Variants in LRRC61 observed in about 807,000 individuals in gnomAD.
LRRC61 encodes leucine rich repeat containing 61.
In LRRC61, 9 loss-of-function variants were observed where a neutral mutation model predicts 15.1. The observed-to-expected ratio is 0.60, with a 90% confidence interval of 0.36 to 1.04. The LOEUF (loss-of-function observed/expected upper bound fraction) is 1.04. Ranked by LOEUF, LRRC61 falls within the 50% of genes least tolerant of loss-of-function variation. The pLI is 0.01. For missense variants in LRRC61, 344 were observed against 335.6 expected, an observed-to-expected ratio of 1.03 and a Z score of -0.20; for synonymous variants, 173 against 158.6, an observed-to-expected ratio of 1.09 and a Z score of -0.68.
intron 2 of LRRC61, chr7:150,334,121 C>T (rs775148576): frequency 2.1e-5 from 21 of 985,230 alleles, no homozygotes; most frequent in East Asian, 1.1e-4. Flanking sequence ...CTGCCTCTGT[C>T]TGCCTGCTTC....
At position 150,335,229 on chromosome 7, in the gene LRRC61, C is replaced by T. The variant is rs902950794; in HGVS notation, c.-144-1489C>T. On this transcript the variant is annotated intron_variant, in intron 2 of 2. Transcript: ENST00000359623. This position sits in a 1 kb window ranked among gnomAD's most constrained non-coding sequence, Gnocchi z 4.3. ...CCCCCCACGTTAGGGGCCAGAGCAG[C>T]TTTAATCAAATGCAAAGTTGATTGC... Among the ~76,000 whole-genome samples, 3 of 152,204 alleles carry T rather than the reference C, an allele frequency of 2.0e-5. No individual in the cohort carries two copies. The highest frequency in any genetic ancestry group is 7.2e-5 in the African/African-American group (3 of 41,458).
At chr7:150,325,566 A>G (rs1338119563) in intron 1 of LRRC61, among the ~76,000 whole-genome samples, 1 of 152,210 alleles carries the variant, frequency 6.6e-6, no homozygotes, top group Non-Finnish European at 1.5e-5. Context: ...TTCCCTGCTC[A>G]AGCCATCTTC....
chr7:150,324,096 C>T (rs1797839208), intron 1 of LRRC61, among the ~76,000 whole-genome samples: 1 of 152,222 alleles, frequency 6.6e-6, no homozygotes, highest in Non-Finnish European at 1.5e-5. Flanking sequence ...GGCTTGCTCT[C>T]CTCTTTTCCT....
rs747773928 is a variant in LRRC61 at position 150,330,405 on chromosome 7, A to G, written c.-145+4395A>G. 4 of 768,612 alleles carry G rather than the reference A, an allele frequency of 5.2e-6. No homozygotes were observed. The highest frequency in any genetic ancestry group is 2.7e-5 in the South Asian group (2 of 74,580). 47.6% of individuals were successfully genotyped at this position (768,612 alleles called of 1,614,324 possible). On this transcript the variant is annotated intron_variant, in intron 2 of 2. Transcript: ENST00000359623. This position sits in a 1 kb window ranked among gnomAD's most constrained non-coding sequence, Gnocchi z 4.6. ...CAGCAAGCTCCTGTAGCCCTTCCAG[A>G]TGGTGGTCCGCGAGGCGAGTGCGGC...
At chr7:150,324,490 G>A (rs1366821216) in intron 1 of LRRC61, 1 of 152,312 alleles carries the variant, frequency 6.6e-6, no homozygotes, top group Non-Finnish European at 1.5e-5. Context: ...CCCAGGCTAA[G>A]CCAGATCACT....
chr7:150,333,955 C>T lies in LRRC61; in HGVS notation c.-144-2763C>T, dbSNP rs1240893774. On this transcript the variant is annotated intron_variant, in intron 2 of 2. Coordinates refer to ENST00000359623, the MANE Select transcript of LRRC61 (RefSeq NM_001142928.2). The surrounding 1 kb of genome is among the most constrained non-coding windows in gnomAD (Gnocchi z 4.3). ...TTATGCACGACCCATCACCAAGACC[C>T]AGGCCTGCATCTGGTGAGGGCAGGA... is the stretch of plus-strand genomic sequence containing the variant. 9.1e-6 allele frequency: 9 copies of T among 985,224 alleles called. No individual in the cohort carries two copies. Among genetic ancestry groups the T allele is most frequent in the Non-Finnish European group, 1.1e-5 (9 of 829,928 alleles). 61.0% of individuals were successfully genotyped at this position (985,224 alleles called of 1,614,324 possible).
the LRRC61 span, among the ~76,000 whole-genome samples, chr7:150,315,676 C>T: frequency 3.9e-5 from 6 of 152,180 alleles, no homozygotes; most frequent in Non-Finnish European, 8.8e-5. Context: ...AACACAGTTC[C>T]CCTCCCTGGG....
At chr7:150,336,694 T>C (rs1156919902) in intron 2 of LRRC61, 24 bp from the exon 3 acceptor site, 1 of 848,590 alleles carries the variant, frequency 1.2e-6, no homozygotes, top group Non-Finnish European at 1.8e-6. Context: ...AAGTGCTGCC[T>C]GCTGACTGAC....
intron 1 of LRRC61, chr7:150,324,366 G>A (rs971076030): frequency 1.3e-5 from 2 of 152,392 alleles, no homozygotes; most frequent in African/African-American, 4.8e-5. Context: ...AGGCACAAGA[G>A]AAGTAGAAGA....
At chr7:150,318,053 G>A in the LRRC61 span, among the ~76,000 whole-genome samples, 12 of 152,156 alleles carry the variant, frequency 7.9e-5, no homozygotes, top group African/African-American at 1.2e-4. Flanking sequence ...GGATGATGTC[G>A]GGAAGTAGGG....
chr7:150,334,616 G>T (rs933815133), intron 2 of LRRC61, among the ~76,000 whole-genome samples: 1 of 152,236 alleles, frequency 6.6e-6, no homozygotes, highest in African/African-American at 2.4e-5. Flanking sequence ...CCAGCCTGGA[G>T]CTCCAGCTGC....
intron 2 of LRRC61, chr7:150,331,625 G>A (rs543002012): frequency 5.9e-6 from 1 of 168,642 alleles, no homozygotes; most frequent in African/African-American, 2.4e-5. Context: ...GTGATGCTCT[G>A]TTAAAACATA....
upstream of LRRC61, among the ~76,000 whole-genome samples, chr7:150,318,538 CG>C: frequency 6.6e-6 from 1 of 152,220 alleles, no homozygotes; most frequent in East Asian, 1.9e-4. Flanking sequence ...CCAAGGTGGG[CG>C]GATCACGAGA....
Position 150,337,195 on chromosome 7 carries a change from C to T in LRRC61, c.334C>T (p.Pro112Ser). Residue 112 changes from proline to serine, a missense_variant, in exon 3 of 3, where the codon CCG becomes TCG. Physicochemically the swap from Pro to Ser is moderately conservative, Grantham distance 74. Transcript: ENST00000359623. Reference protein sequence around the residue: ...LNAAGNLLATPGQLQCLAGLP... With the variant: ...LNAAGNLLATSGQLQCLAGLP... ...TGCCGCAGGCAACCTACTGGCCACC[C>T]CGGGCCAGCTGCAGTGTCTGGCTGG... is the stretch of plus-strand genomic sequence containing the variant. The T allele has an allele frequency of 6.2e-7, 1 of 1,607,102 alleles. No homozygotes were observed. Among genetic ancestry groups the T allele is most frequent in the Non-Finnish European group, 8.5e-7 (1 of 1,179,910 alleles).
chr7:150,330,854 T>C lies in LRRC61; in HGVS notation c.-145+4844T>C. 1 of 1,608,712 alleles carries C rather than the reference T, an allele frequency of 6.2e-7. No individual in the cohort carries two copies. Among genetic ancestry groups the C allele is most frequent in the Non-Finnish European group, 8.5e-7 (1 of 1,176,760 alleles). On this transcript the variant is annotated intron_variant, in intron 2 of 2. Transcript: ENST00000359623. The surrounding 1 kb of genome is among the most constrained non-coding windows in gnomAD (Gnocchi z 4.6). ...TGGAGGGGAGAAGCCAGGGGGAGCCTCTGCAGAGCAGCAGCCACTCTGGGG... is the reference window on the plus strand; with the variant it reads ...TGGAGGGGAGAAGCCAGGGGGAGCCCCTGCAGAGCAGCAGCCACTCTGGGG...
chr7:150,310,675 C>G, the LRRC61 span, among the ~76,000 whole-genome samples: 417 of 152,260 alleles, frequency 2.7e-3, no homozygotes, highest in Non-Finnish European at 3.2e-3. Flanking sequence ...ACCCTGACAC[C>G]CACCAGTCCC....
At position 150,335,685 on chromosome 7, in the gene LRRC61, A is replaced by G. The variant is rs1477068284; in HGVS notation, c.-144-1033A>G. On this transcript the variant is annotated intron_variant, in intron 2 of 2. Coordinates refer to ENST00000359623, the MANE Select transcript of LRRC61 (RefSeq NM_001142928.2). This position sits in a 1 kb window ranked among gnomAD's most constrained non-coding sequence, Gnocchi z 4.3. ...AGGCATCACCCCGCCGGCCTGGGTGAGACTCCTGGGTCTGGGCCTGGCCAA... is the reference window on the plus strand; with the variant it reads ...AGGCATCACCCCGCCGGCCTGGGTGGGACTCCTGGGTCTGGGCCTGGCCAA... 6.7e-6 allele frequency among the ~76,000 whole-genome samples: 1 copy of G among 148,570 alleles called. No homozygotes were observed. The highest frequency in any genetic ancestry group is 1.5e-5 in the Non-Finnish European group (1 of 68,030).
At position 150,337,264 on chromosome 7, in the gene LRRC61, C is replaced by G. The variant is rs781374578; in HGVS notation, c.403C>G (p.Arg135Gly). 6.2e-7 allele frequency: 1 copy of G among 1,603,548 alleles called. No individual in the cohort carries two copies. Among genetic ancestry groups the G allele is most frequent in the East Asian group, 2.2e-5 (1 of 44,870 alleles). ...EYLRLRDPLA[R>G]LSNPLCANPS... ...CCTGCGGCTCCGAGACCCTTTGGCC[C>G]GGCTCAGCAACCCGCTCTGTGCCAA... The change falls in exon 3 of 3, where the codon CGG (arginine) becomes GGG (glycine). Residue 135 changes from arginine to glycine, a missense_variant. Arg to Gly is a moderately radical substitution (Grantham distance 125). Coordinates refer to ENST00000359623, the MANE Select transcript of LRRC61 (RefSeq NM_001142928.2).
the LRRC61 span, among the ~76,000 whole-genome samples, chr7:150,315,050 T>A: frequency 6.8e-6 from 1 of 147,332 alleles, no homozygotes; most frequent in South Asian, 2.1e-4. Flanking sequence ...ATAATTACTT[T>A]TATTATTTTA....
Sources: gnomAD v4.1 joint callset for allele counts (sites outside exome capture counted in the v4.1 genomes callset) on GRCh38, gnomAD v4.1.1 for gene constraint, Gnocchi (gnomAD v3.1) non-coding constraint, MANE v1.5 for transcripts, NCBI Gene and HGNC (gene_info 2026-07-23, HGNC 2026-07-21) for gene names.